The following PPP4R3B variants were observed in gnomAD, a reference collection of about 807,000 sequenced individuals.
The protein encoded by PPP4R3B is serine/threonine-protein phosphatase 4 regulatory subunit 3B.
A neutral mutation model predicts 95.4 loss-of-function variants in PPP4R3B; 52 were observed. That is an observed-to-expected ratio of 0.54 (90% CI 0.44 to 0.69). PPP4R3B has a LOEUF of 0.69. Ranked by LOEUF, PPP4R3B falls within the 30% of genes least tolerant of loss-of-function variation. The pLI is 0.00. For synonymous variants in PPP4R3B, 407 were observed against 343.9 expected, an observed-to-expected ratio of 1.18 and a Z score of -2.03; for missense variants, 1,003 against 1,005.9, an observed-to-expected ratio of 1.00 and a Z score of 0.04.
chr2:55,565,695 T>C (rs981517795), intron 13 of PPP4R3B: 27 of 209,366 alleles, frequency 1.3e-4, no homozygotes, highest in Non-Finnish European at 2.0e-4. Flanking sequence ...GCTATCAAAA[T>C]GGGATATGGT....
At position 55,558,884 on chromosome 2, in the gene PPP4R3B, G is replaced by T; in HGVS notation, c.2345C>A (p.Ala782Asp). Reference protein sequence around the residue: ...FKFTFSHSASAANGTNSKSVV... With the variant: ...FKFTFSHSASDANGTNSKSVV... ...AGATTTACTGTTTGTTCCATTAGCA[G>T]CACTGGCAGAGTGGGAGAAAGTAAA... The change falls in exon 16 of 17, where the codon GCT becomes GAT. Residue 782 changes from alanine (A) to aspartate (D), a missense_variant. Transcript: ENST00000616407. The T allele has an allele frequency of 6.2e-7, 1 of 1,614,144 alleles. No homozygotes were observed. The highest frequency in any genetic ancestry group is 2.2e-5 in the East Asian group (1 of 44,882).
At position 55,549,862 on chromosome 2, in the gene PPP4R3B, C is replaced by G; in HGVS notation, c.*49G>C. 11 of 1,340,748 alleles carry G rather than the reference C, an allele frequency of 8.2e-6. No homozygotes were observed. The highest frequency in any genetic ancestry group is 1.2e-5 in the Non-Finnish European group (11 of 932,042). The allele number at this position is 1,340,748 out of a possible 1,614,324, so 83.1% of individuals were successfully genotyped here. A position where few individuals can be genotyped will look rare whatever the true frequency, so the allele number is the denominator to read the frequency against. On this transcript the variant is annotated 3_prime_UTR_variant, in exon 17 of 17. Transcript: ENST00000616407. ...TGATTCAGATTTTCAGCTCACTGAA[C>G]AGTTGCAGCATTGTAAGACCACATG...
At chr2:55,587,498 C>G (rs564534227) in intron 5 of PPP4R3B, among the ~76,000 whole-genome samples, 1 of 152,164 alleles carries the variant, frequency 6.6e-6, no homozygotes. Flanking sequence ...GCACGAGAAG[C>G]GCTTGAACCC....
rs148721251 is a variant in PPP4R3B at position 55,564,488 on chromosome 2, A to C, written c.2085T>G (p.Ser695=). Residue 695 remains serine (S), a synonymous_variant, in exon 15 of 17, where the codon TCT becomes TCG. Transcript: ENST00000616407. ...RQNQKLNSVP[S]ILRSNRFRRD... ...TGCGAAATCTGTTACTACGCAATAT[A>C]GATGGTACACTGTAAGAAATATATC... 4.4e-6 allele frequency: 7 copies of C among 1,605,068 alleles called. No homozygotes were observed. The African/African-American group carries it at 9.4e-5, about 22-fold the overall frequency.
intron 2 of PPP4R3B, among the ~76,000 whole-genome samples, chr2:55,606,198 C>A (rs1693366530): frequency 6.6e-6 from 1 of 151,834 alleles, no homozygotes. Context: ...TTATTATATA[C>A]AAAAATATAT....
At chr2:55,603,831 G>A (rs901115746) in intron 3 of PPP4R3B, 147 bp downstream of exon 3, 30 of 504,844 alleles carry the variant, frequency 5.9e-5, no homozygotes, top group Middle Eastern at 5.2e-4. Context: ...ATAATTTGCC[G>A]TAGAATATAA....
intron 9 of PPP4R3B, among the ~76,000 whole-genome samples, chr2:55,579,463 T>A (rs967629506): frequency 2.6e-5 from 4 of 151,928 alleles, no homozygotes; most frequent in Non-Finnish European, 4.4e-5. Context: ...CAACAAACTA[T>A]AGAAATGGCC....
chr2:55,604,396 A>G (rs370014028), intron 2 of PPP4R3B, among the ~76,000 whole-genome samples: 37 of 152,264 alleles, frequency 2.4e-4, no homozygotes, highest in African/African-American at 8.4e-4. Flanking sequence ...CCAACCATCT[A>G]CTTTCTGTTG....
In PPP4R3B at chr2:55,617,538, C is replaced by T; in HGVS notation, c.-253G>A. The T allele has an allele frequency of 2.5e-6, 1 of 394,982 alleles. No homozygotes were observed. The highest frequency in any genetic ancestry group is 4.2e-5 in the Admixed American group (1 of 23,816). 24.5% of individuals were successfully genotyped at this position (394,982 alleles called of 1,614,324 possible). On this transcript the variant is annotated 5_prime_UTR_variant, in exon 1 of 17. Coordinates refer to ENST00000616407, the MANE Select transcript of PPP4R3B (RefSeq NM_001122964.3). ...CACCCACTCTCCCGTCTCTTTGCCCCCCAGGGCTCGCTTGCTCTCCCGCCG... is the reference window on the plus strand; with the variant it reads ...CACCCACTCTCCCGTCTCTTTGCCCTCCAGGGCTCGCTTGCTCTCCCGCCG...
At chr2:55,584,102 C>A (rs188097044) in intron 7 of PPP4R3B, among the ~76,000 whole-genome samples, 54 of 152,022 alleles carry the variant, frequency 3.6e-4, no homozygotes, top group African/African-American at 1.2e-3. Flanking sequence ...GCCGAGAATG[C>A]GCCATTGCAC....
At chr2:55,575,440 C>A (rs530561395) in intron 11 of PPP4R3B, among the ~76,000 whole-genome samples, 21 of 152,096 alleles carry the variant, frequency 1.4e-4, no homozygotes, top group African/African-American at 4.6e-4. Context: ...GTGCTTTAGA[C>A]AAAGAAATAT....
rs575251931 is a variant in PPP4R3B at position 55,616,334 on chromosome 2, G to C, written c.142+810C>G. ...AGTGATGACTATTTAAAATAAAAGG[G>C]AACAAGCAAGAATACAAAATATGTC... On this transcript the variant is annotated intron_variant, in intron 1 of 16. Transcript: ENST00000616407. Among the ~76,000 whole-genome samples the C allele has an allele frequency of 3.9e-5, 6 of 152,192 alleles. No homozygotes were observed. In the Middle Eastern group the frequency reaches 0.014, roughly 347 times the overall value.
intron 2 of PPP4R3B, 33 bp from the exon 3 acceptor site, chr2:55,604,109 A>G: frequency 6.6e-7 from 1 of 1,513,426 alleles, no homozygotes; most frequent in Non-Finnish European, 9.0e-7. Context: ...ATATCATCAC[A>G]CTAGAAAAGA....
chr2:55,568,107 A>C, intron 13 of PPP4R3B, 87 bp downstream of exon 13: 1 of 877,842 alleles, frequency 1.1e-6, no homozygotes, highest in Non-Finnish European at 1.6e-6. Flanking sequence ...AAGGGAATGA[A>C]GTCACTTTGC....
At chr2:55,603,665 T>C (rs1187873936) in intron 3 of PPP4R3B, among the ~76,000 whole-genome samples, 1 of 152,226 alleles carries the variant, frequency 6.6e-6, no homozygotes, top group Non-Finnish European at 1.5e-5. Context: ...ATGTTTTTAA[T>C]CTAAAAGCTT....
chr2:55,592,994 A>G (rs1691249355), intron 4 of PPP4R3B, among the ~76,000 whole-genome samples: 1 of 152,002 alleles, frequency 6.6e-6, no homozygotes, highest in South Asian at 2.1e-4. Context: ...AACTGTCTAT[A>G]CTAAAAATAC....
chr2:55,605,462 C>T (rs968880081), intron 2 of PPP4R3B, among the ~76,000 whole-genome samples: 51 of 152,088 alleles, frequency 3.4e-4, no homozygotes, highest in Admixed American at 3.3e-4. Context: ...TTTAATTAAT[C>T]CAGGCCTCAG....
rs1692273293 is a variant in PPP4R3B, at chr2:55,599,614, T to C, written c.298-575A>G. 2.0e-5 allele frequency among the ~76,000 whole-genome samples: 3 copies of C among 152,218 alleles called. No homozygotes were observed. In the South Asian group the frequency reaches 6.2e-4, roughly 32 times the overall value. ...CATTGAAATTTTAGGATTGTATTAC[T>C]ACAACACAATCTGATCATAACGTCT... On this transcript the variant is annotated intron_variant, in intron 3 of 16. Coordinates refer to ENST00000616407, the MANE Select transcript of PPP4R3B (RefSeq NM_001122964.3).
At chr2:55,558,585 C>A (rs572196682) in intron 16 of PPP4R3B, among the ~76,000 whole-genome samples, 190 bp downstream of exon 16, 30 of 151,834 alleles carry the variant, frequency 2.0e-4, no homozygotes, top group South Asian at 1.5e-3. Flanking sequence ...TCCAGCCTGG[C>A]GACAGAGTGA....
Sources: allele counts gnomAD v4.1 joint callset (sites outside exome capture counted in the v4.1 genomes callset), GRCh38; gene constraint gnomAD v4.1.1; transcripts MANE v1.5; gene names NCBI Gene and HGNC (gene_info 2026-07-23, HGNC 2026-07-21).